Variants in RIT2 observed in about 807,000 individuals in gnomAD.
RIT2 encodes Ras like without CAAX 2.
A neutral mutation model predicts 23.7 loss-of-function variants in RIT2; 24 were observed. The observed-to-expected ratio is 1.01, with a 90% confidence interval of 0.73 to 1.43. The LOEUF is 1.43. Ranked by LOEUF, RIT2 falls within the 40% of genes most tolerant of loss-of-function variation. The pLI is 0.00. For missense variants in RIT2, 236 were observed against 266.9 expected, an observed-to-expected ratio of 0.88 and a Z score of 0.81; for synonymous variants, 107 against 91.1, an observed-to-expected ratio of 1.17 and a Z score of -0.99.
chr18:42,826,177 A>G (rs532889922), intron 4 of RIT2, among the ~76,000 whole-genome samples: 1 of 152,178 alleles, frequency 6.6e-6, no homozygotes, highest in Admixed American at 6.5e-5. Flanking sequence ...ACGCACACAC[A>G]AAAAATCCTA....
intron 2 of RIT2, among the ~76,000 whole-genome samples, chr18:43,007,515 C>T (rs529292961): frequency 1.3e-5 from 2 of 151,644 alleles, no homozygotes; most frequent in South Asian, 4.2e-4. Context: ...TGGCTGAGTA[C>T]AGTTCTGAGG....
rs1349704203 is a variant in RIT2 at position 43,114,712 on chromosome 18, A to G, written c.103+705T>C. ...CCTTTTAGGCTCCTCAAGAATCCCA[A>G]CAACTGACACTTCCGTTCTTTATGT... On this transcript the variant is annotated intron_variant, in intron 1 of 4. Transcript: ENST00000326695. Among the ~76,000 whole-genome samples the G allele has an allele frequency of 2.0e-5, 3 of 152,264 alleles. No individual in the cohort carries two copies. The East Asian group carries it at 5.8e-4, about 29-fold the overall frequency.
At chr18:43,080,133 A>G (rs9948019) in intron 1 of RIT2, among the ~76,000 whole-genome samples, 23,068 of 152,090 alleles carry the variant, frequency 0.15, 1,873 homozygotes, top group South Asian at 0.21. Flanking sequence ...GGTCTAATAG[A>G]CTTTCAGGCC....
chr18:42,752,013 C>T (rs544118235), intron 4 of RIT2, among the ~76,000 whole-genome samples: 2 of 152,002 alleles, frequency 1.3e-5, no homozygotes, highest in East Asian at 1.9e-4. Flanking sequence ...TACCTTTGAG[C>T]TTGAAATTTA....
chr18:42,890,819 C>T (rs560209795), intron 4 of RIT2, among the ~76,000 whole-genome samples: 1 of 152,076 alleles, frequency 6.6e-6, no homozygotes, highest in Non-Finnish European at 1.5e-5. Context: ...ATCAACTTAC[C>T]TCTGCCTTAT....
chr18:43,018,625 A>G (rs1367581416), intron 2 of RIT2, among the ~76,000 whole-genome samples: 1 of 151,996 alleles, frequency 6.6e-6, no homozygotes, highest in Non-Finnish European at 1.5e-5. Context: ...GACATATTTA[A>G]AGTGCTGAAA....
intron 4 of RIT2, among the ~76,000 whole-genome samples, chr18:42,789,217 G>C (rs994195451): frequency 4.6e-5 from 7 of 152,118 alleles, no homozygotes; most frequent in African/African-American, 1.4e-4. Flanking sequence ...TGTCAACAGA[G>C]TGAAAATGTA....
intron 1 of RIT2, among the ~76,000 whole-genome samples, chr18:43,082,531 C>T (rs188383194): frequency 3.9e-5 from 6 of 152,226 alleles, no homozygotes; most frequent in South Asian, 2.1e-4. Context: ...TTATCTGCCA[C>T]GTTCAAGTCA....
intron 3 of RIT2, among the ~76,000 whole-genome samples, chr18:42,968,683 C>T (rs1255629087): frequency 1.3e-5 from 2 of 152,164 alleles, no homozygotes; most frequent in Non-Finnish European, 2.9e-5. Flanking sequence ...AACTTTTCCT[C>T]ATATATTTCT....
At chr18:42,889,073 G>C (rs561590575) in intron 4 of RIT2, among the ~76,000 whole-genome samples, 1 of 151,580 alleles carries the variant, frequency 6.6e-6, no homozygotes, top group Non-Finnish European at 1.5e-5. Context: ...AAATTTGTTG[G>C]ATTTTTTTTT....
chr18:42,788,347 G>C (rs1000342973), intron 4 of RIT2, among the ~76,000 whole-genome samples: 1 of 152,074 alleles, frequency 6.6e-6, no homozygotes, highest in African/African-American at 2.4e-5. Context: ...ATTCTCTTTT[G>C]ATACTACACC....
chr18:42,780,104 C>T (rs547557843), intron 4 of RIT2, among the ~76,000 whole-genome samples: 2 of 115,032 alleles, frequency 1.7e-5, no homozygotes, highest in South Asian at 3.1e-4. Flanking sequence ...GCCCCTGTCA[C>T]AGCCTCAAGG....
chr18:42,772,001 A>G (rs662508), intron 4 of RIT2, among the ~76,000 whole-genome samples: 149,563 of 152,204 alleles, frequency 0.98, 73,560 homozygotes, highest in Middle Eastern at 1. Flanking sequence ...GAATAGTGAT[A>G]GTGCAAGCAA....
chr18:43,057,798 C>CTTTTTTTTTTTTTTTTTTTTT lies in RIT2; in HGVS notation c.104-23932_104-23931insAAAAAAAAAAAAAAAAAAAAA, dbSNP rs11393575. Among the ~76,000 whole-genome samples, 866 of 122,372 alleles carry CTTTTTTTTTTTTTTTTTTTTT rather than the reference C, an allele frequency of 7.1e-3. 47 individuals are homozygous for CTTTTTTTTTTTTTTTTTTTTT. The highest frequency in any genetic ancestry group is 9.1e-3 in the Non-Finnish European group (532 of 58,472). 80.3% of individuals were successfully genotyped at this position (122,372 alleles called of 152,430 possible). On this transcript the variant is annotated intron_variant, in intron 1 of 4. Transcript: ENST00000326695. ...GAGCTAATCTTCCAAGTGATGGACA[C>CTTTTTTTTTTTTTTTTTTTTT]TTTTTTTTTTTTTTTTTATCATCTA... is the stretch of plus-strand genomic sequence containing the variant.
At chr18:42,773,585 C>A (rs954945466) in intron 4 of RIT2, among the ~76,000 whole-genome samples, 10 of 152,076 alleles carry the variant, frequency 6.6e-5, no homozygotes, top group African/African-American at 2.4e-4. Flanking sequence ...ATACTACATG[C>A]TGGGTGAGTA....
chr18:43,076,487 T>C (rs1269355919), intron 1 of RIT2, among the ~76,000 whole-genome samples: 1 of 151,966 alleles, frequency 6.6e-6, no homozygotes, highest in Non-Finnish European at 1.5e-5. Context: ...TCTAATGATG[T>C]ATATGTTGTG....
At chr18:42,877,482 T>TA (rs1259233063) in intron 4 of RIT2, among the ~76,000 whole-genome samples, 3 of 149,172 alleles carry the variant, frequency 2.0e-5, no homozygotes, top group Non-Finnish European at 3.0e-5. Context: ...GTAAACAATT[T>TA]AAAAAAAATG....
intron 1 of RIT2, among the ~76,000 whole-genome samples, chr18:43,061,528 A>C (rs929420760): frequency 4.6e-5 from 7 of 152,152 alleles, no homozygotes; most frequent in African/African-American, 7.2e-5. Flanking sequence ...AACAGTCTAA[A>C]GTCTAAAAAC....
chr18:42,935,133 C>G (rs1909420072), intron 3 of RIT2, among the ~76,000 whole-genome samples: 1 of 152,094 alleles, frequency 6.6e-6, no homozygotes, highest in Non-Finnish European at 1.5e-5. Context: ...ACACCTTTCC[C>G]CTACATTATC....
Sources: gnomAD v4.1 joint callset for allele counts (sites outside exome capture counted in the v4.1 genomes callset) on GRCh38, gnomAD v4.1.1 for gene constraint, MANE v1.5 for transcripts, NCBI Gene and HGNC (gene_info 2026-07-23, HGNC 2026-07-21) for gene names.